NXPH2: variants seen among roughly 807,000 people sequenced by gnomAD.
NXPH2 encodes the protein neurexophilin-2.
In NXPH2, 5 loss-of-function variants were observed where a neutral mutation model predicts 19.8. The ratio of observed to expected loss-of-function variants is 0.25; its 90% confidence interval spans 0.13 to 0.53. The LOEUF (loss-of-function observed/expected upper bound fraction) is 0.53. NXPH2 is among the 20% of genes least tolerant of loss of function. The probability of loss-of-function intolerance (pLI) is 0.96; values close to 1 mark genes in which losing one functional copy is unlikely to be tolerated. For synonymous variants in NXPH2, 154 were observed against 127.4 expected (o/e 1.21, Z -1.41); for missense variants, 289 against 322.8 (o/e 0.90, Z 0.80).
intron 1 of NXPH2, among the ~76,000 whole-genome samples, chr2:138,770,352 CATAAA>C (rs1434400677): frequency 1.3e-5 from 2 of 151,990 alleles, no homozygotes; most frequent in Admixed American, 1.3e-4. Context: ...AAAACACATA[CATAAA>C]ATAAAAATAA....
intron 1 of NXPH2, among the ~76,000 whole-genome samples, chr2:138,720,693 C>G (rs1220559455): frequency 6.6e-6 from 1 of 152,178 alleles, no homozygotes; most frequent in East Asian, 1.9e-4. Flanking sequence ...TGGCTCCACA[C>G]GCACTGGCGC....
intron 1 of NXPH2, among the ~76,000 whole-genome samples, chr2:138,699,791 G>C (rs1250754078): frequency 6.6e-6 from 1 of 152,170 alleles, no homozygotes; most frequent in African/African-American, 2.4e-5. Context: ...AGTATCAGCT[G>C]CGAAAACACG....
chr2:138,746,409 G>C (rs971798321), intron 1 of NXPH2, among the ~76,000 whole-genome samples: 1 of 151,964 alleles, frequency 6.6e-6, no homozygotes, highest in African/African-American at 2.4e-5. Flanking sequence ...CCCTTGGGGA[G>C]GAACTGGCCA....
chr2:138,765,119 A>C (rs1023251502), intron 1 of NXPH2, among the ~76,000 whole-genome samples: 5 of 152,224 alleles, frequency 3.3e-5, no homozygotes, highest in African/African-American at 1.2e-4. Flanking sequence ...GCAGCCTTTC[A>C]TGCAGTGAGA....
chr2:138,749,506 T>C (rs1310509272), intron 1 of NXPH2, among the ~76,000 whole-genome samples: 1 of 152,158 alleles, frequency 6.6e-6, no homozygotes, highest in Non-Finnish European at 1.5e-5. Flanking sequence ...GGATCCCAAA[T>C]GTACAAAATG....
chr2:138,757,232 T>A (rs1431262725), intron 1 of NXPH2, among the ~76,000 whole-genome samples: 4 of 152,206 alleles, frequency 2.6e-5, no homozygotes, highest in Non-Finnish European at 5.9e-5. Context: ...AAATGTTGGC[T>A]AGGCTGAACT....
intron 1 of NXPH2, among the ~76,000 whole-genome samples, chr2:138,679,257 GT>G (rs1680533391): frequency 6.6e-6 from 1 of 152,172 alleles, no homozygotes; most frequent in South Asian, 2.1e-4. Context: ...TGGTACTTTT[GT>G]TACTTACAGA....
chr2:138,674,195 C>T (rs1422690842), intron 1 of NXPH2, among the ~76,000 whole-genome samples: 1 of 151,762 alleles, frequency 6.6e-6, no homozygotes, highest in Non-Finnish European at 1.5e-5. Context: ...GTTCTATCAC[C>T]CAGGCTGGAG....
At position 138,764,782 on chromosome 2, in the gene NXPH2, G is replaced by A. The variant is rs1337302068; in HGVS notation, c.51+15409C>T. The stretch of plus-strand genomic sequence containing the variant: ...TCTTCCCAGTAGGAAAGTTATAAAT[G>A]AAAACACTGAATTGAAACTCTCATT... On this transcript the variant is annotated intron_variant, in intron 1 of 1. Coordinates refer to ENST00000272641, the MANE Select transcript of NXPH2 (RefSeq NM_007226.3). Among the ~76,000 whole-genome samples the A allele has an allele frequency of 3.9e-5, 6 of 152,110 alleles. No individual in the cohort carries two copies. The East Asian group carries it at 1.2e-3, about 29-fold the overall frequency.
chr2:138,769,909 C>T (rs1048451046), intron 1 of NXPH2, among the ~76,000 whole-genome samples: 15 of 152,018 alleles, frequency 9.9e-5, no homozygotes, highest in Admixed American at 9.2e-4. Context: ...AATACAAACT[C>T]GAGGGCAAAA....
chr2:138,672,792 A>G (rs1680433235), intron 1 of NXPH2, among the ~76,000 whole-genome samples: 2 of 152,230 alleles, frequency 1.3e-5, no homozygotes, highest in Non-Finnish European at 2.9e-5. Context: ...CTTGGTAAAA[A>G]TGGTTTCAGA....
chr2:138,713,598 T>G, intron 1 of NXPH2, among the ~76,000 whole-genome samples: 1 of 122,234 alleles, frequency 8.2e-6, no homozygotes, highest in East Asian at 2.2e-4. Flanking sequence ...GAAAACGTTC[T>G]GTGTGTGTGT....
At chr2:138,715,106 G>T (rs1423746900) in intron 1 of NXPH2, among the ~76,000 whole-genome samples, 2 of 152,116 alleles carry the variant, frequency 1.3e-5, no homozygotes, top group Non-Finnish European at 1.5e-5. Flanking sequence ...ATGCTAAAAA[G>T]AATTCTATTT....
rs1034473573 is a variant in NXPH2 at position 138,725,831 on chromosome 2, T to C, written c.52-54166A>G. The stretch of plus-strand genomic sequence containing the variant: ...AAATCCATTTACTGTATGTAAAGAA[T>C]TTTCAAATGCATAGGTAAGAAGTAT... On this transcript the variant is annotated intron_variant, in intron 1 of 1. Transcript: ENST00000272641. Among the ~76,000 whole-genome samples, 7 of 152,336 alleles carry C rather than the reference T, an allele frequency of 4.6e-5. No individual in the cohort carries two copies. The South Asian group carries it at 1.4e-3, about 32-fold the overall frequency.
intron 1 of NXPH2, among the ~76,000 whole-genome samples, chr2:138,768,317 T>A (rs1682124239): frequency 6.6e-6 from 1 of 152,142 alleles, no homozygotes; most frequent in Non-Finnish European, 1.5e-5. Flanking sequence ...CTGGAATGGG[T>A]CTTCTCTGTA....
chr2:138,740,654 C>T (rs751217382), intron 1 of NXPH2, among the ~76,000 whole-genome samples: 3 of 152,008 alleles, frequency 2.0e-5, no homozygotes, highest in Non-Finnish European at 2.9e-5. Flanking sequence ...CGCAGGGAAC[C>T]TAATTTATTT....
chr2:138,718,548 C>T (rs905833326), intron 1 of NXPH2, among the ~76,000 whole-genome samples: 12 of 152,092 alleles, frequency 7.9e-5, no homozygotes, highest in Non-Finnish European at 1.6e-4. Flanking sequence ...CTCAAAAAGG[C>T]TGTCCAGCAG....
chr2:138,767,408 G>A (rs1682108112), intron 1 of NXPH2, among the ~76,000 whole-genome samples: 1 of 152,222 alleles, frequency 6.6e-6, no homozygotes, highest in Admixed American at 6.5e-5. Flanking sequence ...TCCCCAAATG[G>A]AGAGAGCAGT....
chr2:138,675,846 T>C (rs942866930), intron 1 of NXPH2, among the ~76,000 whole-genome samples: 1 of 152,146 alleles, frequency 6.6e-6, no homozygotes, highest in Non-Finnish European at 1.5e-5. Context: ...TTAGTCAATG[T>C]AATAAAAAGT....
Sources: allele counts gnomAD v4.1 joint callset (sites outside exome capture counted in the v4.1 genomes callset), GRCh38; gene constraint gnomAD v4.1.1; transcripts MANE v1.5; gene names NCBI Gene and HGNC (gene_info 2026-07-23, HGNC 2026-07-21).